The following ADCY3 variants were observed in gnomAD, a reference collection of about 807,000 sequenced individuals.
The protein encoded by ADCY3 is adenylate cyclase 3.
A neutral mutation model predicts 119.4 loss-of-function variants in ADCY3; 70 were observed. The observed-to-expected ratio is 0.59, with a 90% confidence interval of 0.48 to 0.72. The LOEUF (loss-of-function observed/expected upper bound fraction) is 0.72, where lower values mean the gene tolerates loss of function less well. ADCY3 is among the 30% of genes least tolerant of loss of function. The probability of loss-of-function intolerance (pLI) is 0.00; values close to 1 mark genes in which losing one functional copy is unlikely to be tolerated. For missense variants in ADCY3, 1,238 were observed against 1,541.6 expected (o/e 0.80, Z 3.30); for synonymous variants, 672 against 621.4 (o/e 1.08, Z -1.21).
At chr2:24,905,310 A>G (rs1406573954) in intron 2 of ADCY3, among the ~76,000 whole-genome samples, 15 of 151,690 alleles carry the variant, frequency 9.9e-5, no homozygotes, top group Admixed American at 8.5e-4. Context: ...ATTTTTTTGT[A>G]TTTTTAATAG....
At chr2:24,838,941 ATTTTTTT>A in intron 7 of ADCY3, 3 of 1,138,094 alleles carry the variant, frequency 2.6e-6, no homozygotes, top group Non-Finnish European at 3.5e-6. Context: ...GCGATAAGGA[ATTTTTTT>A]TTTTTTTTTT....
intron 15 of ADCY3, chr2:24,826,833 T>G (rs2148418940): frequency 6.5e-6 from 1 of 152,788 alleles, no homozygotes; most frequent in African/African-American, 2.4e-5. Flanking sequence ...ATTTTCAACC[T>G]TACTAAATAG....
chr2:24,887,499 G>A (rs575800185), intron 2 of ADCY3, among the ~76,000 whole-genome samples: 5 of 152,246 alleles, frequency 3.3e-5, no homozygotes, highest in African/African-American at 4.8e-5. Flanking sequence ...CCAAGAGGTC[G>A]AAAACCAGGC....
At chr2:24,831,006 G>A (rs1056823210) in intron 12 of ADCY3, among the ~76,000 whole-genome samples, 181 bp from the exon 13 acceptor site, 6 of 152,156 alleles carry the variant, frequency 3.9e-5, no homozygotes, top group Non-Finnish European at 7.3e-5. Flanking sequence ...TGGGAGTTCT[G>A]ACGCTGTGTT....
chr2:24,869,778 C>T (rs1385088240), intron 3 of ADCY3, among the ~76,000 whole-genome samples: 1 of 152,246 alleles, frequency 6.6e-6, no homozygotes, highest in Non-Finnish European at 1.5e-5. Flanking sequence ...TTCAAACTAT[C>T]AGGGGTTAGA....
chr2:24,859,373 C>T (rs1038507013), intron 3 of ADCY3, among the ~76,000 whole-genome samples: 1 of 152,200 alleles, frequency 6.6e-6, no homozygotes, highest in South Asian at 2.1e-4. Context: ...CCCCCTGCCC[C>T]GACCTCACTG....
At position 24,867,835 on chromosome 2, in the gene ADCY3, T is replaced by C. The variant is rs77606288; in HGVS notation, c.825+4735A>G. On this transcript the variant is annotated intron_variant, in intron 3 of 21. Coordinates refer to ENST00000679454, the MANE Select transcript of ADCY3 (RefSeq NM_004036.5). ...TACATAAAATAATCACAATAAGGACTTGTGGGGTTTAAAATATGTTGAACT... is the reference window on the plus strand; with the variant it reads ...TACATAAAATAATCACAATAAGGACCTGTGGGGTTTAAAATATGTTGAACT... 4.3e-3 allele frequency among the ~76,000 whole-genome samples: 658 copies of C among 152,186 alleles called. 5 individuals are homozygous for C. The highest frequency in any genetic ancestry group is 7.4e-3 in the Non-Finnish European group (502 of 67,996).
intron 3 of ADCY3, among the ~76,000 whole-genome samples, chr2:24,848,474 CCT>C (rs1671908990): frequency 6.6e-6 from 1 of 152,082 alleles, no homozygotes; most frequent in Admixed American, 6.5e-5. Context: ...CTGTGAGACC[CCT>C]GATTTCCCAC....
At chr2:24,829,352 C>G (rs1669103126) in intron 13 of ADCY3, among the ~76,000 whole-genome samples, 1 of 147,916 alleles carries the variant, frequency 6.8e-6, no homozygotes, top group Non-Finnish European at 1.5e-5. Flanking sequence ...AGCCCTGGAG[C>G]TTTTTCACTT....
At position 24,830,802 on chromosome 2, in the gene ADCY3, G is replaced by C. The variant is rs763137888; in HGVS notation, c.2079C>G (p.Ala693=). The change falls in exon 13 of 22, where the codon GCC becomes GCG. Residue 693 remains alanine, a synonymous_variant. Transcript: ENST00000679454. ...FPRAFPKKLV[A]FSTWIDRTRW... is the part of the protein sequence containing the mutation. Reference sequence around the variant, plus strand: ...GGGTCCGGTCAATCCAAGTTGAGAAGGCCACAAGCTTCTTAGGAAAGGCCT... The same window carrying C: ...GGGTCCGGTCAATCCAAGTTGAGAACGCCACAAGCTTCTTAGGAAAGGCCT... 21 of 1,613,894 alleles carry C rather than the reference G, an allele frequency of 1.3e-5. No individual in the cohort carries two copies. The Admixed American group carries it at 3.3e-4, about 26-fold the overall frequency.
chr2:24,911,158 C>A (rs1663570861), intron 2 of ADCY3, among the ~76,000 whole-genome samples: 1 of 151,490 alleles, frequency 6.6e-6, no homozygotes, highest in African/African-American at 2.4e-5. Context: ...GGTTGAGAAA[C>A]CAAAACCCTA....
rs10707204 is a variant in ADCY3 at position 24,893,602 on chromosome 2, C to CT, written c.676-20884dup. 1.5e-3 allele frequency among the ~76,000 whole-genome samples: 225 copies of CT among 146,544 alleles called. 1 individual carries two copies. Among genetic ancestry groups the CT allele is most frequent in the African/African-American group, 4.3e-3 (170 of 39,726 alleles). On this transcript the variant is annotated intron_variant, in intron 2 of 21. Transcript: ENST00000679454. ...TTGTTATCCACTGCACAATACCTGT[C>CT]TTTTTTTTTTTTCTTTTTTCAAGAC...
intron 2 of ADCY3, among the ~76,000 whole-genome samples, chr2:24,903,251 C>G (rs1679123305): frequency 6.6e-6 from 1 of 151,948 alleles, no homozygotes; most frequent in Non-Finnish European, 1.5e-5. Context: ...CTGAAGCCAT[C>G]TTTTGACCGT....
chr2:24,879,774 C>A (rs1176734938), intron 2 of ADCY3, among the ~76,000 whole-genome samples: 1 of 152,160 alleles, frequency 6.6e-6, no homozygotes, highest in African/African-American at 2.4e-5. Flanking sequence ...GCCAGGGCTC[C>A]CCTCCCTCAA....
At chr2:24,915,429 G>A (rs998469980) in intron 2 of ADCY3, among the ~76,000 whole-genome samples, 1 of 152,172 alleles carries the variant, frequency 6.6e-6, no homozygotes, top group Non-Finnish European at 1.5e-5. Flanking sequence ...CACATCCCAG[G>A]AGGCAACGGC....
chr2:24,915,806 T>A (rs1199533992), intron 2 of ADCY3, among the ~76,000 whole-genome samples: 4 of 152,172 alleles, frequency 2.6e-5, no homozygotes, highest in Non-Finnish European at 5.9e-5. Flanking sequence ...CTGCCAAAGT[T>A]CTGGGATTAC....
chr2:24,893,643 CG>C (rs1230639904), intron 2 of ADCY3, among the ~76,000 whole-genome samples: 1 of 151,434 alleles, frequency 6.6e-6, no homozygotes, highest in Non-Finnish European at 1.5e-5. Flanking sequence ...CTCACTCTGT[CG>C]CCCAGGCTGG....
At chr2:24,905,136 ATT>A (rs775630835) in intron 2 of ADCY3, among the ~76,000 whole-genome samples, 18 of 139,956 alleles carry the variant, frequency 1.3e-4, no homozygotes, top group Non-Finnish European at 1.3e-4. Flanking sequence ...GTGTTTTTGC[ATT>A]TTTTTTTTTT....
At chr2:24,870,711 C>T (rs1674886092) in intron 3 of ADCY3, among the ~76,000 whole-genome samples, 1 of 152,212 alleles carries the variant, frequency 6.6e-6, no homozygotes, top group African/African-American at 2.4e-5. Context: ...GCCCAGGCTC[C>T]CTGCACTGAC....
Sources: gnomAD v4.1 joint callset for allele counts (sites outside exome capture counted in the v4.1 genomes callset) on GRCh38, gnomAD v4.1.1 for gene constraint, MANE v1.5 for transcripts, NCBI Gene and HGNC (gene_info 2026-07-23, HGNC 2026-07-21) for gene names.